BANP: variants seen among roughly 807,000 people sequenced by gnomAD.
The protein encoded by BANP is protein BANP.
In BANP, 11 loss-of-function variants were observed where a neutral mutation model predicts 68.1. That is an observed-to-expected ratio of 0.16 (90% confidence interval 0.10 to 0.27). The LOEUF (loss-of-function observed/expected upper bound fraction) is 0.27. Among genes scored for constraint, BANP ranks in the 10% least tolerant of loss-of-function variants. The probability of loss-of-function intolerance (pLI) is 1.00; values close to 1 mark genes in which losing one functional copy is unlikely to be tolerated. For synonymous variants in BANP, 329 were observed against 303.2 expected (o/e 1.09, Z -0.88); for missense variants, 504 against 722.7 (o/e 0.70, Z 3.47).
At chr16:87,976,712 C>T (rs1338923963) in intron 2 of BANP, among the ~76,000 whole-genome samples, 1 of 152,004 alleles carries the variant, frequency 6.6e-6, no homozygotes, top group East Asian at 1.9e-4. Flanking sequence ...GAGAAAACTA[C>T]CTTTGGAGAC....
At chr16:88,059,005 G>A (rs1327970867) in intron 11 of BANP, among the ~76,000 whole-genome samples, 1 of 151,898 alleles carries the variant, frequency 6.6e-6, no homozygotes, top group South Asian at 2.1e-4. Context: ...TGTCCCTCAC[G>A]CCCAGTGTGT....
intron 1 of BANP, among the ~76,000 whole-genome samples, chr16:87,958,613 C>T (rs866630844): frequency 1.2e-4 from 18 of 152,074 alleles, no homozygotes; most frequent in African/African-American, 1.2e-4. Flanking sequence ...GAGGATCACT[C>T]GAGCCCGGGA....
intron 7 of BANP, among the ~76,000 whole-genome samples, chr16:88,024,178 G>A (rs2076534387): frequency 6.6e-6 from 1 of 152,192 alleles, no homozygotes; most frequent in South Asian, 2.1e-4. Flanking sequence ...GGCTGTGCGT[G>A]TTCTTCCCGT....
intron 11 of BANP, among the ~76,000 whole-genome samples, chr16:88,043,799 G>A (rs570591538): frequency 1.3e-5 from 2 of 152,114 alleles, no homozygotes; most frequent in African/African-American, 4.8e-5. Flanking sequence ...ATAATTTATT[G>A]TCTAAGGAAT....
rs554231353 is a variant in BANP, at chr16:88,013,500, G to A, written c.656-4928G>A. ...CCGCCCCATGCCTAGTTCCTAGACC[G>A]CTGCCCGCACCCACTAGAGCTCAGC... is the stretch of plus-strand genomic sequence containing the variant. On this transcript the variant is annotated intron_variant, in intron 6 of 13. Transcript: ENST00000682872. Among the ~76,000 whole-genome samples the A allele has an allele frequency of 2.8e-4, 42 of 152,176 alleles. 1 individual carries two copies. The East Asian group carries it at 5.0e-3, about 18-fold the overall frequency.
intron 1 of BANP, among the ~76,000 whole-genome samples, chr16:87,962,048 T>C (rs1013411922): frequency 6.6e-6 from 1 of 151,938 alleles, no homozygotes; most frequent in Non-Finnish European, 1.5e-5. Flanking sequence ...AAGACCAGCC[T>C]GCCAACATGG....
At chr16:87,977,747 C>A (rs888936249) in intron 2 of BANP, among the ~76,000 whole-genome samples, 6 of 152,206 alleles carry the variant, frequency 3.9e-5, no homozygotes, top group Non-Finnish European at 7.3e-5. Flanking sequence ...TCTGACTTGG[C>A]GTGTACCAAC....
intron 12 of BANP, among the ~76,000 whole-genome samples, chr16:88,068,519 G>A (rs1001329881): frequency 5.3e-5 from 8 of 152,136 alleles, no homozygotes; most frequent in African/African-American, 9.7e-5. Flanking sequence ...TATTTTTCCC[G>A]GAACTTTCTC....
rs759175272 is a variant in BANP at position 88,018,984 on chromosome 16, G to A, written c.895+317G>A. The stretch of plus-strand genomic sequence containing the variant: ...CACTCTTGAGGAAGAGAGAGGAGGA[G>A]GAGAGCCGGGGCCTTCCCTGCTGTC... On this transcript the variant is annotated intron_variant, in intron 7 of 13. Transcript: ENST00000682872. The surrounding 1 kb of genome is among the most constrained non-coding windows in gnomAD (Gnocchi z 7.7). Among the ~76,000 whole-genome samples, 139 of 152,044 alleles carry A rather than the reference G, an allele frequency of 9.1e-4. No individual in the cohort carries two copies. Among genetic ancestry groups the A allele is most frequent in the Non-Finnish European group, 1.8e-3 (122 of 67,986 alleles).
chr16:88,026,582 C>T (rs946773694), intron 7 of BANP, among the ~76,000 whole-genome samples: 5 of 151,704 alleles, frequency 3.3e-5, no homozygotes, highest in Non-Finnish European at 7.4e-5. Flanking sequence ...ACAATACATG[C>T]GTGAATTCTC....
intron 7 of BANP, among the ~76,000 whole-genome samples, chr16:88,020,840 A>G (rs6419433): frequency 0.97 from 148,139 of 152,310 alleles, 72,163 homozygotes; most frequent in East Asian, 1. Flanking sequence ...CATTGGCTGC[A>G]ATTCTTTTAT....
At chr16:88,044,251 C>T (rs1398549091) in intron 11 of BANP, among the ~76,000 whole-genome samples, 1 of 152,248 alleles carries the variant, frequency 6.6e-6, no homozygotes, top group Non-Finnish European at 1.5e-5. Flanking sequence ...CAGCAGGAAG[C>T]AGCTTTCCAT....
intron 4 of BANP, among the ~76,000 whole-genome samples, chr16:87,984,916 G>A (rs775642843): frequency 2.0e-5 from 3 of 152,230 alleles, no homozygotes; most frequent in Admixed American, 6.5e-5. Context: ...GACACGGCAC[G>A]GCTTTGTGCT....
At chr16:88,007,845 A>G (rs1334692124) in intron 6 of BANP, among the ~76,000 whole-genome samples, 1 of 151,540 alleles carries the variant, frequency 6.6e-6, no homozygotes, top group Non-Finnish European at 1.5e-5. Flanking sequence ...AGAGACGTTG[A>G]GTTGATCTTT....
chr16:88,051,945 C>G (rs930727988), intron 11 of BANP, among the ~76,000 whole-genome samples: 2 of 152,058 alleles, frequency 1.3e-5, no homozygotes, highest in Non-Finnish European at 1.5e-5. Context: ...AAAGTGAAGA[C>G]CTAAACATTT....
At chr16:88,053,284 AAC>A (rs2083802012) in intron 11 of BANP, among the ~76,000 whole-genome samples, 1 of 151,452 alleles carries the variant, frequency 6.6e-6, no homozygotes, top group African/African-American at 2.4e-5. Context: ...CACCGTCACC[AAC>A]ACAGTCCCCT....
intron 11 of BANP, among the ~76,000 whole-genome samples, chr16:88,053,657 T>C (rs1214217879): frequency 1.1e-4 from 11 of 100,406 alleles, no homozygotes; most frequent in East Asian, 3.7e-4. Context: ...ACCAACACAG[T>C]CACCTTCACC....
At position 88,041,915 on chromosome 16, in the gene BANP, G is replaced by A. The variant is rs567545776; in HGVS notation, c.1311+3904G>A. ...GGAGTGCGCAAGAACCACAGAGCCTGAGAGACACAGTAGGAGGGTGGGAGA... is the reference window on the plus strand; with the variant it reads ...GGAGTGCGCAAGAACCACAGAGCCTAAGAGACACAGTAGGAGGGTGGGAGA... On this transcript the variant is annotated intron_variant, in intron 11 of 13. Coordinates refer to ENST00000682872, the MANE Select transcript of BANP (RefSeq NM_001386991.1). Among the ~76,000 whole-genome samples, 4 of 152,384 alleles carry A rather than the reference G, an allele frequency of 2.6e-5. No individual in the cohort carries two copies. The South Asian group carries it at 8.3e-4, about 32-fold the overall frequency.
chr16:88,056,167 A>C (rs561839619), intron 11 of BANP, among the ~76,000 whole-genome samples: 3 of 152,216 alleles, frequency 2.0e-5, no homozygotes, highest in African/African-American at 7.2e-5. Flanking sequence ...TGTGGCCCCT[A>C]ACAGGCTTGC....
Sources: allele counts gnomAD v4.1 joint callset (sites outside exome capture counted in the v4.1 genomes callset), GRCh38; gene constraint gnomAD v4.1.1; non-coding constraint Gnocchi (gnomAD v3.1); transcripts MANE v1.5; gene names NCBI Gene and HGNC (gene_info 2026-07-23, HGNC 2026-07-21).